DNAJC1: variants seen among roughly 807,000 people sequenced by gnomAD.
The protein encoded by DNAJC1 is dnaJ homolog subfamily C member 1.
A neutral mutation model predicts 76.6 loss-of-function variants in DNAJC1; 58 were observed. The ratio of observed to expected loss-of-function variants is 0.76; its 90% confidence interval spans 0.61 to 0.94. The LOEUF (loss-of-function observed/expected upper bound fraction) is 0.94, where lower values mean the gene tolerates loss of function less well. DNAJC1 is among the 40% of genes least tolerant of loss of function. The pLI is 0.00. For missense variants in DNAJC1, 689 were observed against 677.3 expected (o/e 1.02, Z -0.19); for synonymous variants, 258 against 267.9 (o/e 0.96, Z 0.36).
chr10:21,917,397 GTTTAATATTGATATCTTATGTA>G (rs1346846447), intron 6 of DNAJC1, among the ~76,000 whole-genome samples: 4 of 152,020 alleles, frequency 2.6e-5, no homozygotes, highest in Non-Finnish European at 5.9e-5. Flanking sequence ...ACAAAGAAGT[GTTTAATATTGATATCTTATGTA>G]ATATTCTATT....
chr10:21,900,972 A>C (rs942772156), intron 7 of DNAJC1, among the ~76,000 whole-genome samples: 2 of 152,100 alleles, frequency 1.3e-5, no homozygotes, highest in African/African-American at 4.8e-5. Flanking sequence ...CTTTAGTCTT[A>C]AGGAAGGTGA....
intron 10 of DNAJC1, among the ~76,000 whole-genome samples, chr10:21,765,192 C>T (rs1834284977): frequency 6.6e-6 from 1 of 152,156 alleles, no homozygotes; most frequent in Non-Finnish European, 1.5e-5. Context: ...CTTGCTAAAG[C>T]CTGGAGAACT....
chr10:21,850,360 T>C (rs1277533953), intron 8 of DNAJC1, among the ~76,000 whole-genome samples: 1 of 152,052 alleles, frequency 6.6e-6, no homozygotes, highest in Non-Finnish European at 1.5e-5. Flanking sequence ...CAATTCCATT[T>C]ACAACAGCAT....
At chr10:21,996,574 A>G (rs1389383299) in intron 1 of DNAJC1, among the ~76,000 whole-genome samples, 1 of 152,258 alleles carries the variant, frequency 6.6e-6, no homozygotes. Context: ...TAATAGCAGA[A>G]GCCATTCCAC....
chr10:21,845,588 C>T (rs1333946613), intron 8 of DNAJC1, among the ~76,000 whole-genome samples: 3 of 151,992 alleles, frequency 2.0e-5, no homozygotes, highest in Admixed American at 1.3e-4. Flanking sequence ...ATCTTGACCT[C>T]GGCCTCCCAA....
At chr10:21,912,185 AT>A (rs1167327461) in intron 6 of DNAJC1, among the ~76,000 whole-genome samples, 5 of 151,402 alleles carry the variant, frequency 3.3e-5, no homozygotes, top group African/African-American at 1.2e-4. Context: ...TTTCTTATGT[AT>A]TTTTTTCTTA....
intron 1 of DNAJC1, among the ~76,000 whole-genome samples, chr10:21,938,292 G>A (rs1419240769): frequency 6.6e-6 from 1 of 151,572 alleles, no homozygotes; most frequent in African/African-American, 2.4e-5. Flanking sequence ...ATGCCAAAAC[G>A]TAGGATGTGG....
intron 1 of DNAJC1, among the ~76,000 whole-genome samples, chr10:21,998,021 A>G (rs137893680): frequency 4.6e-4 from 70 of 152,272 alleles, no homozygotes; most frequent in African/African-American, 1.6e-3. Context: ...TTTTAAATGA[A>G]TATGAAGTGT....
At chr10:21,891,862 C>T (rs538642646) in intron 7 of DNAJC1, among the ~76,000 whole-genome samples, 1 of 152,102 alleles carries the variant, frequency 6.6e-6, no homozygotes, top group South Asian at 2.1e-4. Flanking sequence ...ATATATTGGA[C>T]AACAAGGAAA....
chr10:21,916,545 T>C (rs1836959316), intron 6 of DNAJC1, among the ~76,000 whole-genome samples: 1 of 152,170 alleles, frequency 6.6e-6, no homozygotes, highest in South Asian at 2.1e-4. Flanking sequence ...GAGTGGTACA[T>C]AAAGTACACG....
chr10:21,795,820 A>T (rs1834744945), intron 9 of DNAJC1, among the ~76,000 whole-genome samples: 1 of 152,142 alleles, frequency 6.6e-6, no homozygotes, highest in Non-Finnish European at 1.5e-5. Flanking sequence ...GGCAACCACC[A>T]TTCTATTTTT....
At chr10:21,759,059 G>T in intron 11 of DNAJC1, 111 bp downstream of exon 11, 1 of 1,056,746 alleles carries the variant, frequency 9.5e-7, no homozygotes. Context: ...AAGAAATCAC[G>T]GGGCAGGTGT....
intron 1 of DNAJC1, among the ~76,000 whole-genome samples, chr10:21,992,117 C>T (rs891293977): frequency 1.3e-5 from 2 of 152,120 alleles, no homozygotes; most frequent in Non-Finnish European, 2.9e-5. Context: ...TCGAGACCAG[C>T]CTGACCAATA....
intron 6 of DNAJC1, among the ~76,000 whole-genome samples, chr10:21,908,121 TAATATATAATATATAAA>T (rs1244922428): frequency 8.4e-5 from 9 of 107,660 alleles, no homozygotes; most frequent in South Asian, 4.7e-4. Context: ...AATATATATA[TAATATATAATATATAAA>T]AATATATAAT....
At chr10:21,942,335 A>G (rs888701250) in intron 1 of DNAJC1, among the ~76,000 whole-genome samples, 3 of 152,214 alleles carry the variant, frequency 2.0e-5, no homozygotes, top group Non-Finnish European at 2.9e-5. Context: ...CATTCACATA[A>G]CAGCAAAACT....
intron 6 of DNAJC1, among the ~76,000 whole-genome samples, chr10:21,907,679 A>C (rs1251966379): frequency 2.0e-5 from 3 of 151,940 alleles, no homozygotes; most frequent in Non-Finnish European, 4.4e-5. Flanking sequence ...TTGACTTTGG[A>C]TCAATATGAG....
At chr10:21,791,928 A>G (rs756923274) in intron 9 of DNAJC1, among the ~76,000 whole-genome samples, 28 of 152,190 alleles carry the variant, frequency 1.8e-4, no homozygotes, top group Middle Eastern at 3.4e-3. Context: ...AATGAAACAA[A>G]AAGTTGATTT....
chr10:21,995,442 C>G (rs1478311543), intron 1 of DNAJC1, among the ~76,000 whole-genome samples: 1 of 152,146 alleles, frequency 6.6e-6, no homozygotes, highest in East Asian at 1.9e-4. Context: ...ATGTGTTTAA[C>G]CAAGGAAATT....
At chr10:21,959,631 C>T (rs1837752412) in intron 1 of DNAJC1, among the ~76,000 whole-genome samples, 1 of 151,242 alleles carries the variant, frequency 6.6e-6, no homozygotes, top group South Asian at 2.1e-4. Context: ...ACTGAAAATA[C>T]AAAAATGAGC....
Sources: gnomAD v4.1 joint callset for allele counts (sites outside exome capture counted in the v4.1 genomes callset) on GRCh38, gnomAD v4.1.1 for gene constraint, MANE v1.5 for transcripts, NCBI Gene and HGNC (gene_info 2026-07-23, HGNC 2026-07-21) for gene names.